The following SUMF1 variants were observed in gnomAD, a reference collection of about 807,000 sequenced individuals.
SUMF1 encodes formylglycine-generating enzyme.
Under a neutral mutation model 47.6 loss-of-function variants are expected in SUMF1, and 48 were observed. The ratio of observed to expected loss-of-function variants is 1.01; its 90% CI spans 0.80 to 1.28. SUMF1 has a LOEUF of 1.28. SUMF1 is among the 50% of genes most tolerant of loss of function. The pLI, the probability that SUMF1 is intolerant of heterozygous loss-of-function variation, is 0.00. For missense variants in SUMF1, 571 were observed against 485.4 expected (o/e 1.18, Z -1.66); for synonymous variants, 230 against 192.1 (o/e 1.20, Z -1.63).
At chr3:4,226,722 C>A (rs941777084) in intron 8 of SUMF1, among the ~76,000 whole-genome samples, 2 of 151,990 alleles carry the variant, frequency 1.3e-5, no homozygotes, top group African/African-American at 4.8e-5. Context: ...AGCAGAGGAG[C>A]TTCAATTCTA....
intron 8 of SUMF1, among the ~76,000 whole-genome samples, chr3:4,333,164 G>A (rs9942068): frequency 0.037 from 5,635 of 152,320 alleles, 350 homozygotes; most frequent in African/African-American, 0.13. Context: ...GATACAGGAA[G>A]CTGTCACACT....
chr3:4,299,056 A>G (rs1462703506), intron 8 of SUMF1, among the ~76,000 whole-genome samples: 3 of 152,204 alleles, frequency 2.0e-5, no homozygotes, highest in African/African-American at 7.2e-5. Context: ...TTTCTTAATT[A>G]TACTATAAGC....
In SUMF1 at chr3:4,090,339, A is replaced by C. The variant is rs952812158; in HGVS notation, c.1015-21594T>G. ...ACTTTGGTTTTCTCTCACATTTGGA[A>C]GCTGTGCATGTTAGGTGAACTGGCA... On this transcript the variant is annotated intron_variant and NMD_transcript_variant, in intron 8 of 12. Coordinates refer to the SUMF1 transcript ENST00000448413. 2.2e-4 allele frequency among the ~76,000 whole-genome samples: 34 copies of C among 151,980 alleles called. 1 individual carries two copies. The highest frequency in any genetic ancestry group is 6.6e-5 in the Admixed American group (1 of 15,244).
At chr3:4,051,107 C>A (rs1321737862) in intron 9 of SUMF1, among the ~76,000 whole-genome samples, 1 of 148,902 alleles carries the variant, frequency 6.7e-6, no homozygotes, top group Non-Finnish European at 1.5e-5. Flanking sequence ...GCTAAATATA[C>A]TACATTCTAA....
intron 8 of SUMF1, among the ~76,000 whole-genome samples, chr3:4,245,010 T>G (rs1696630062): frequency 1.3e-5 from 2 of 152,112 alleles, no homozygotes; most frequent in South Asian, 4.1e-4. Flanking sequence ...CTGATATCCT[T>G]TCTTCCGCTT....
intron 8 of SUMF1, among the ~76,000 whole-genome samples, chr3:4,199,410 A>C (rs1695495530): frequency 6.6e-6 from 1 of 152,074 alleles, no homozygotes; most frequent in Non-Finnish European, 1.5e-5. Flanking sequence ...TCCAACTTTG[A>C]GGTATTATAA....
chr3:4,396,015 T>A (rs1339882841), intron 7 of SUMF1, among the ~76,000 whole-genome samples: 1 of 152,242 alleles, frequency 6.6e-6, no homozygotes. Context: ...ACCATCCAAA[T>A]AAGGATACTT....
chr3:4,159,886 C>T (rs1446156294), intron 8 of SUMF1, among the ~76,000 whole-genome samples: 1 of 152,134 alleles, frequency 6.6e-6, no homozygotes, highest in Non-Finnish European at 1.5e-5. Context: ...GCCATTCTAT[C>T]CTGGCCTATA....
intron 9 of SUMF1, among the ~76,000 whole-genome samples, chr3:4,066,525 AG>A (rs1695379470): frequency 6.6e-6 from 1 of 152,080 alleles, no homozygotes; most frequent in Admixed American, 6.6e-5. Flanking sequence ...ATCGACCCTC[AG>A]GCTTCCCAGA....
rs148061280 is a variant in SUMF1 at position 4,387,108 on chromosome 3, G to A, written c.955-10719C>T. ...TGGGGATCAAGGCAATACTAGCTTC[G>A]TAAAATGATTAGAAAGTGTTCCCTT... On this transcript the variant is annotated intron_variant, in intron 7 of 8. Coordinates refer to ENST00000272902, the MANE Select transcript of SUMF1 (RefSeq NM_182760.4). Among the ~76,000 whole-genome samples the A allele has an allele frequency of 1.9e-3, 290 of 151,902 alleles. 1 individual carries two copies. Among genetic ancestry groups the A allele is most frequent in the African/African-American group, 6.1e-3 (254 of 41,482 alleles).
intron 1 of SUMF1, among the ~76,000 whole-genome samples, chr3:4,458,734 T>C (rs1010783966): frequency 6.6e-6 from 1 of 151,984 alleles, no homozygotes; most frequent in Non-Finnish European, 1.5e-5. Context: ...CGGGCGCCTG[T>C]AGTCCCAGCT....
chr3:4,280,845 G>A (rs1321120167), intron 8 of SUMF1, among the ~76,000 whole-genome samples: 5 of 55,506 alleles, frequency 9.0e-5, no homozygotes, highest in South Asian at 3.6e-4. Context: ...GTGTGTGTGT[G>A]TGTGTGTGTG....
At chr3:4,044,834 C>A (rs980692084) in intron 9 of SUMF1, among the ~76,000 whole-genome samples, 1 of 152,198 alleles carries the variant, frequency 6.6e-6, no homozygotes. Context: ...TGGAATATTG[C>A]ATCATTTAGA....
At chr3:4,139,282 A>G (rs776105200) in intron 8 of SUMF1, among the ~76,000 whole-genome samples, 4 of 152,106 alleles carry the variant, frequency 2.6e-5, no homozygotes, top group African/African-American at 9.6e-5. Flanking sequence ...GTTTCGTATC[A>G]GTCATTATTA....
intron 8 of SUMF1, chr3:4,312,893 T>C (rs763305721): frequency 1.2e-6 from 2 of 1,601,716 alleles, no homozygotes; most frequent in Admixed American, 1.7e-5. Flanking sequence ...GTATATTTTT[T>C]ACAGTACACT....
At chr3:4,042,566 T>C (rs1238838702) in intron 9 of SUMF1, among the ~76,000 whole-genome samples, 3 of 152,224 alleles carry the variant, frequency 2.0e-5, no homozygotes, top group Non-Finnish European at 2.9e-5. Flanking sequence ...TATTTATCTT[T>C]GTAACCAAGG....
chr3:4,392,966 T>C (rs1700923434), intron 7 of SUMF1, among the ~76,000 whole-genome samples: 1 of 152,122 alleles, frequency 6.6e-6, no homozygotes, highest in African/African-American at 2.4e-5. Flanking sequence ...GGTGTATGGA[T>C]TGAGAAATGG....
intron 8 of SUMF1, among the ~76,000 whole-genome samples, chr3:4,368,631 T>G (rs956095917): frequency 1.4e-4 from 22 of 152,146 alleles, no homozygotes; most frequent in Non-Finnish European, 2.6e-4. Context: ...ATGTGGCACA[T>G]ATACACCATG....
chr3:4,278,438 C>G (rs965659964), intron 8 of SUMF1, among the ~76,000 whole-genome samples: 2 of 152,002 alleles, frequency 1.3e-5, no homozygotes, highest in African/African-American at 4.8e-5. Flanking sequence ...TTAGAATTAA[C>G]TACTGATAAA....
Sources: gnomAD v4.1 joint callset for allele counts (sites outside exome capture counted in the v4.1 genomes callset) on GRCh38, gnomAD v4.1.1 for gene constraint, MANE v1.5 for transcripts, NCBI Gene and HGNC (gene_info 2026-07-23, HGNC 2026-07-21) for gene names.